Variants in CNKSR2 observed in about 807,000 individuals in gnomAD.
CNKSR2 encodes the protein CNK homolog protein 2.
A neutral mutation model predicts 84.4 loss-of-function variants in CNKSR2; 14 were observed. The ratio of observed to expected loss-of-function variants is 0.17; its 90% CI spans 0.11 to 0.26. CNKSR2 has a LOEUF of 0.26. CNKSR2 is among the 10% of genes least tolerant of loss of function. The pLI is 1.00. For synonymous variants in CNKSR2, 275 were observed against 277.9 expected (o/e 0.99, Z 0.10); for missense variants, 485 against 771.2 (o/e 0.63, Z 4.40).
In CNKSR2 at chrX:21,452,826, C is replaced by T. The variant is rs781460648; in HGVS notation, c.519+12045C>T. Among the ~76,000 whole-genome samples, 10 of 85,318 alleles carry T rather than the reference C, an allele frequency of 1.2e-4. No homozygotes were observed. The South Asian group carries it at 4.8e-3, about 41-fold the overall frequency. The allele number at this position is 85,318 out of a possible 115,157, so 74.1% of individuals were successfully genotyped here. A position where few individuals can be genotyped will look rare whatever the true frequency, so the allele number is the denominator to read the frequency against. On this transcript the variant is annotated intron_variant, in intron 4 of 21. Coordinates refer to ENST00000379510, the MANE Select transcript of CNKSR2 (RefSeq NM_014927.5). Reference sequence around the variant, plus strand: ...ATTTTATTTTATTTTATTTTGCAGACCCCATGTGTTAAAAAAAATTTAAGG... The same window carrying T: ...ATTTTATTTTATTTTATTTTGCAGATCCCATGTGTTAAAAAAAATTTAAGG...
chrX:21,583,410 T>G (rs2092365466), intron 13 of CNKSR2, among the ~76,000 whole-genome samples: 1 of 112,044 alleles, frequency 8.9e-6, no homozygotes, highest in Admixed American at 9.5e-5. Context: ...ATACAATAAT[T>G]AGAAAGTTAA....
intron 11 of CNKSR2, among the ~76,000 whole-genome samples, chrX:21,536,829 G>T (rs1292221321): frequency 2.1e-4 from 20 of 93,106 alleles, no homozygotes; most frequent in African/African-American, 7.5e-4. Context: ...TCTTCTGTAG[G>T]TTTTTTTTTT....
intron 13 of CNKSR2, among the ~76,000 whole-genome samples, chrX:21,583,542 A>T (rs2092366612): frequency 9.0e-6 from 1 of 111,721 alleles, no homozygotes; most frequent in South Asian, 3.7e-4. Context: ...TTCTTTTCTT[A>T]TGTATAAGAA....
intron 11 of CNKSR2, among the ~76,000 whole-genome samples, chrX:21,539,123 CACTT>C (rs1307249754): frequency 8.9e-6 from 1 of 112,606 alleles, no homozygotes; most frequent in Non-Finnish European, 1.9e-5. Context: ...ACTTCTGGAA[CACTT>C]AAATTCAAAT....
chrX:21,387,684 A>G (rs914485407), intron 1 of CNKSR2, among the ~76,000 whole-genome samples: 2 of 110,672 alleles, frequency 1.8e-5, no homozygotes, highest in African/African-American at 3.3e-5. Context: ...CTTTTTTCCT[A>G]TGTCAATCTT....
At chrX:21,522,681 C>T (rs2091796773) in intron 9 of CNKSR2, among the ~76,000 whole-genome samples, 1 of 110,435 alleles carries the variant, frequency 9.1e-6, no homozygotes, top group Admixed American at 9.7e-5. Context: ...AATTGGGGCG[C>T]ACAAAGAAAA....
intron 17 of CNKSR2, among the ~76,000 whole-genome samples, chrX:21,597,852 A>G (rs2092458645): frequency 9.1e-6 from 1 of 109,782 alleles, no homozygotes; most frequent in Non-Finnish European, 1.9e-5. Flanking sequence ...TTTTAATATC[A>G]TACCTACTTC....
intron 11 of CNKSR2, among the ~76,000 whole-genome samples, chrX:21,549,977 CCT>C (rs2092069830): frequency 8.9e-6 from 1 of 111,912 alleles, no homozygotes; most frequent in African/African-American, 3.3e-5. Context: ...TAGAAGAAAA[CCT>C]AGGCAGTACC....
At chrX:21,614,122 G>A (rs1190105585) in intron 20 of CNKSR2, among the ~76,000 whole-genome samples, 1 of 110,827 alleles carries the variant, frequency 9.0e-6, no homozygotes, top group East Asian at 2.8e-4. Context: ...AGGGCATAGG[G>A]GCTAGATTAT....
intron 8 of CNKSR2, among the ~76,000 whole-genome samples, chrX:21,502,855 AAACTGT>A (rs2091573382): frequency 9.0e-6 from 1 of 111,563 alleles, no homozygotes; most frequent in African/African-American, 3.2e-5. Flanking sequence ...TGATTACTAG[AAACTGT>A]ACAAAGTAGT....
At position 21,401,317 on chromosome X, in the gene CNKSR2, G is replaced by A. The variant is rs750496501; in HGVS notation, c.65-25180G>A. On this transcript the variant is annotated intron_variant, in intron 1 of 21. Transcript: ENST00000379510. ...TAATGTTATGTGGTTAAAAAAAATC[G>A]TGTATTTTAAAATTGGAAATAATAT... Among the ~76,000 whole-genome samples the A allele has an allele frequency of 1.6e-4, 18 of 111,285 alleles. No homozygotes were observed. In the South Asian group the frequency reaches 4.8e-3, roughly 30 times the overall value.
At position 21,473,208 on chromosome X, in the gene CNKSR2, G is replaced by A. The variant is rs2091219433; in HGVS notation, c.561+2401G>A. Among the ~76,000 whole-genome samples the A allele has an allele frequency of 1.8e-5, 2 of 111,473 alleles. 1 individual carries two copies. Among genetic ancestry groups the A allele is most frequent in the East Asian group, 5.6e-4 (2 of 3,589 alleles). On this transcript the variant is annotated intron_variant, in intron 5 of 21. Transcript: ENST00000379510. The stretch of plus-strand genomic sequence containing the variant: ...TTTAAAAATCCTGTCTGATGATGAT[G>A]ACAACAGTGAATGGCATTAACCAAA...
chrX:21,455,263 T>G (rs1445081499), intron 4 of CNKSR2, among the ~76,000 whole-genome samples: 1 of 111,845 alleles, frequency 8.9e-6, no homozygotes. Flanking sequence ...TCGATAATGT[T>G]CTAGGTTTTT....
Position 21,395,037 on chromosome X carries a change from G to C in CNKSR2, c.64+20076G>C, listed in dbSNP as rs144730088. Reference sequence around the variant, plus strand: ...ATTGAGGACAATTGAGAAGCATTAAGACTGCAAATTAGTTCCCAAGTTGTG... The same window carrying C: ...ATTGAGGACAATTGAGAAGCATTAACACTGCAAATTAGTTCCCAAGTTGTG... On this transcript the variant is annotated intron_variant, in intron 1 of 21. Coordinates refer to ENST00000379510, the MANE Select transcript of CNKSR2 (RefSeq NM_014927.5). 2.5e-3 allele frequency among the ~76,000 whole-genome samples: 282 copies of C among 111,918 alleles called. 3 individuals carry two copies. Among genetic ancestry groups the C allele is most frequent in the African/African-American group, 8.2e-3 (255 of 30,930 alleles).
intron 5 of CNKSR2, among the ~76,000 whole-genome samples, chrX:21,473,745 G>GTTTTTTTTTTTGTTTTTTTT (rs2091226322): frequency 1.5e-5 from 1 of 67,231 alleles, no homozygotes; most frequent in African/African-American, 1.0e-4. Flanking sequence ...TGTTGGTTTG[G>GTTTTTTTTTTTGTTTTTTTT]TTTTTTTTTT....
chrX:21,382,980 A>T (rs1476876287), intron 1 of CNKSR2, among the ~76,000 whole-genome samples: 1 of 112,134 alleles, frequency 8.9e-6, no homozygotes, highest in Admixed American at 9.5e-5. Context: ...CTAGATAATC[A>T]CTAGTAGGCA....
At position 21,374,643 on chromosome X, in the gene CNKSR2, G is replaced by A. The variant is rs2089777708; in HGVS notation, c.-255G>A. ...AGCAGCAGCAGCAGCCGCCGCCGCC[G>A]CCGCCTTAGCGGGAACTGAGCAGAC... is the stretch of plus-strand genomic sequence containing the variant. On this transcript the variant is annotated 5_prime_UTR_variant, in exon 1 of 22. Coordinates refer to ENST00000379510, the MANE Select transcript of CNKSR2 (RefSeq NM_014927.5). The A allele has an allele frequency of 1.7e-5, 9 of 524,407 alleles. No individual in the cohort carries two copies. Among genetic ancestry groups the A allele is most frequent in the Middle Eastern group, 5.1e-4 (1 of 1,978 alleles). The allele number at this position is 524,407 out of a possible 1,213,427, so 43.2% of individuals were successfully genotyped here. A position where few individuals can be genotyped will look rare whatever the true frequency, so the allele number is the denominator to read the frequency against.
chrX:21,607,296 G>A lies in CNKSR2; in HGVS notation c.2145+417G>A, dbSNP rs185998582. Reference sequence around the variant, plus strand: ...TTATATCTATATTGAAGATATTTTTGCATGTAGCTTTTTCAGCAGCCATGG... The same window carrying A: ...TTATATCTATATTGAAGATATTTTTACATGTAGCTTTTTCAGCAGCCATGG... On this transcript the variant is annotated intron_variant, in intron 19 of 21. Transcript: ENST00000379510. Among the ~76,000 whole-genome samples the A allele has an allele frequency of 2.7e-5, 3 of 111,428 alleles. No individual in the cohort carries two copies. The East Asian group carries it at 8.4e-4, about 31-fold the overall frequency.
chrX:21,526,059 A>G (rs769523690), intron 9 of CNKSR2, among the ~76,000 whole-genome samples: 3 of 111,012 alleles, frequency 2.7e-5, no homozygotes, highest in African/African-American at 9.8e-5. Context: ...AAGTTAATGC[A>G]TCCTCATGTA....
Sources: allele counts gnomAD v4.1 joint callset (sites outside exome capture counted in the v4.1 genomes callset), GRCh38; gene constraint gnomAD v4.1.1; transcripts MANE v1.5; gene names NCBI Gene and HGNC (gene_info 2026-07-23, HGNC 2026-07-21).